The following USP42 variants were observed in gnomAD, a reference collection of about 807,000 sequenced individuals.
The protein encoded by USP42 is ubiquitin carboxyl-terminal hydrolase 42.
Under a neutral mutation model 113.0 loss-of-function variants are expected in USP42, and 23 were observed. The observed-to-expected ratio is 0.20, with a 90% confidence interval of 0.15 to 0.29. The LOEUF (loss-of-function observed/expected upper bound fraction) is 0.29. USP42 is among the 10% of genes least tolerant of loss of function. The pLI is 1.00. For missense variants in USP42, 2,174 were observed against 1,779.8 expected, an observed-to-expected ratio of 1.22 and a Z score of -3.99; for synonymous variants, 933 against 699.0, an observed-to-expected ratio of 1.33 and a Z score of -5.28.
chr7:6,151,633 G>GTCT (rs1782056388), intron 14 of USP42, among the ~76,000 whole-genome samples: 2 of 152,096 alleles, frequency 1.3e-5, no homozygotes, highest in African/African-American at 4.8e-5. Context: ...AGTAGAGACA[G>GTCT]GGTTTTACCA....
intron 1 of USP42, among the ~76,000 whole-genome samples, chr7:6,110,889 A>G (rs1460008125): frequency 6.6e-6 from 1 of 152,200 alleles, no homozygotes; most frequent in Non-Finnish European, 1.5e-5. Flanking sequence ...CTTTTAATCA[A>G]ATACTTCACT....
At chr7:6,129,098 C>T (rs188704099) in intron 3 of USP42, among the ~76,000 whole-genome samples, 238 of 152,320 alleles carry the variant, frequency 1.6e-3, no homozygotes, top group African/African-American at 5.4e-3. Flanking sequence ...AGGCGTGTGC[C>T]ACTGGGCCTG....
chr7:6,154,405 G>A lies in USP42; in HGVS notation c.2851G>A (p.Gly951Ser), dbSNP rs375593932. 19 of 1,577,018 alleles carry A rather than the reference G, an allele frequency of 1.2e-5. No individual in the cohort carries two copies. The highest frequency in any genetic ancestry group is 1.6e-5 in the Non-Finnish European group (19 of 1,163,150). The change falls in exon 15 of 18, where the codon GGC (glycine) becomes AGC (serine). Residue 951 changes from glycine (G) to serine (S), a missense_variant. By Grantham distance (56) the Gly-to-Ser change is moderately conservative. Coordinates refer to ENST00000306177, the MANE Select transcript of USP42 (RefSeq NM_032172.3). Reference protein sequence around the residue: ...KIGSLRKVDRGHYRSRRERSS... With the variant: ...KIGSLRKVDRSHYRSRRERSS... ...CGGCAGCCTCAGAAAGGTGGACCGA[G>A]GCCACTACCGCAGCCGGAGAGAGCG...
At chr7:6,135,242 A>G (rs892902236) in intron 3 of USP42, among the ~76,000 whole-genome samples, 1 of 152,168 alleles carries the variant, frequency 6.6e-6, no homozygotes, top group Admixed American at 6.5e-5. Flanking sequence ...GAATCCAATT[A>G]TGTGTCTGTC....
intron 14 of USP42, among the ~76,000 whole-genome samples, chr7:6,151,441 G>C (rs1384120158): frequency 6.6e-6 from 1 of 151,906 alleles, no homozygotes; most frequent in Admixed American, 6.6e-5. Flanking sequence ...TTCTTTTTTT[G>C]TTTGTTTTTT....
chr7:6,161,141 G>A lies in USP42; in HGVS notation c.*623G>A, dbSNP rs1243891316. 6.6e-6 allele frequency: 1 copy of A among 152,608 alleles called. No homozygotes were observed. Among genetic ancestry groups the A allele is most frequent in the East Asian group, 1.9e-4 (1 of 5,202 alleles). The allele number at this position is 152,608 out of a possible 1,614,324, so 9.5% of individuals were successfully genotyped here. On this transcript the variant is annotated 3_prime_UTR_variant, in exon 18 of 18. Coordinates refer to ENST00000306177, the MANE Select transcript of USP42 (RefSeq NM_032172.3). ...TCAATCAATTTCCCAGTTATGATGA[G>A]TATTTACATTATGAATGTATAACCC...
In USP42 at chr7:6,149,788, C is replaced by G. The variant is rs1348185454; in HGVS notation, c.1592C>G (p.Pro531Arg). ...KITISIHNKLPVRQCQSQPNL... is the reference protein window; with the variant it reads ...KITISIHNKLRVRQCQSQPNL... The stretch of plus-strand genomic sequence containing the variant: ...ACAATCAGTATTCACAACAAGTTGC[C>G]TGTTCGCCAGTGTCAGTCTCAACCT... Residue 531 changes from proline to arginine, a missense_variant, in exon 13 of 18, where the codon CCT becomes CGT. By Grantham distance (103) the Pro-to-Arg change is moderately radical. Transcript: ENST00000306177. 1 of 1,614,058 alleles carries G rather than the reference C, an allele frequency of 6.2e-7. No individual in the cohort carries two copies. Among genetic ancestry groups the G allele is most frequent in the Non-Finnish European group, 8.5e-7 (1 of 1,179,904 alleles).
At position 6,153,936 on chromosome 7, in the gene USP42, G is replaced by T; in HGVS notation, c.2382G>T (p.Met794Ile). The change falls in exon 15 of 18, where the codon ATG becomes ATT. Residue 794 changes from methionine (M) to isoleucine (I), a missense_variant. Coordinates refer to ENST00000306177, the MANE Select transcript of USP42 (RefSeq NM_032172.3). ...PATKEGAWEAMAVAPEEPPPS... is the reference protein window; with the variant it reads ...PATKEGAWEAIAVAPEEPPPS... ...CCAAAGAAGGCGCCTGGGAGGCCAT[G>T]GCCGTCGCCCCCGAGGAGCCTCCGC... The T allele has an allele frequency of 2.5e-6, 4 of 1,599,144 alleles. No individual in the cohort carries two copies. Among genetic ancestry groups the T allele is most frequent in the Non-Finnish European group, 3.4e-6 (4 of 1,175,460 alleles).
At position 6,154,833 on chromosome 7, in the gene USP42, C is replaced by T. The variant is rs1319232468; in HGVS notation, c.3279C>T (p.His1093=). The change falls in exon 15 of 18, where the codon CAC becomes CAT. Residue 1093 remains histidine (H), a synonymous_variant. Transcript: ENST00000306177. ...HERAGLHERP[H]KDHNRGRRGC... ...GGGCCGGGCTGCACGAGCGGCCGCA[C>T]AAGGACCACAACCGGGGCCGTAGGG... 6.5e-7 allele frequency: 1 copy of T among 1,540,154 alleles called. No individual in the cohort carries two copies. The highest frequency in any genetic ancestry group is 8.8e-7 in the Non-Finnish European group (1 of 1,141,006).
At chr7:6,108,061 G>A (rs1324399602) in intron 1 of USP42, among the ~76,000 whole-genome samples, 3 of 152,120 alleles carry the variant, frequency 2.0e-5, no homozygotes, top group Non-Finnish European at 4.4e-5. Context: ...GCACGCACCT[G>A]TAGTCCCAGC....
At chr7:6,100,676 C>T (rs1244099005), upstream of USP42, among the ~76,000 whole-genome samples, 2 of 145,500 alleles carry the variant, frequency 1.4e-5, no homozygotes, top group Non-Finnish European at 1.5e-5. Context: ...TCTTGGTATC[C>T]ACTGTCTTTT....
intron 3 of USP42, among the ~76,000 whole-genome samples, chr7:6,117,562 G>C (rs769387578): frequency 1.3e-5 from 2 of 152,160 alleles, no homozygotes; most frequent in African/African-American, 4.8e-5. Flanking sequence ...AAATATCTAG[G>C]AGTAAAATGG....
chr7:6,149,268 C>G (rs529968480), intron 12 of USP42, among the ~76,000 whole-genome samples: 1 of 152,280 alleles, frequency 6.6e-6, no homozygotes, highest in Non-Finnish European at 1.5e-5. Context: ...AACCAGGTAG[C>G]AAGTGTGTGA....
intron 1 of USP42, among the ~76,000 whole-genome samples, chr7:6,109,934 C>T (rs747931138): frequency 1.3e-5 from 2 of 151,788 alleles, no homozygotes; most frequent in Non-Finnish European, 2.9e-5. Context: ...CGCCTGACCT[C>T]AGGTGATTCA....
Position 6,149,882 on chromosome 7 carries a change from A to G in USP42, c.1686A>G (p.Ala562=). 6.2e-7 allele frequency: 1 copy of G among 1,614,064 alleles called. No homozygotes were observed. The highest frequency in any genetic ancestry group is 8.5e-7 in the Non-Finnish European group (1 of 1,179,904). Residue 562 remains alanine (A), a synonymous_variant, in exon 13 of 18, where the codon GCA becomes GCG. Coordinates refer to ENST00000306177, the MANE Select transcript of USP42 (RefSeq NM_032172.3). ...PVPSSTITNS[A]VQSTSNASTM... is the part of the protein sequence containing the mutation. ...CCTCTTCTACCATTACCAATTCTGCAGTACAGTCTACCTCGAACGCATCTA... is the reference window on the plus strand; with the variant it reads ...CCTCTTCTACCATTACCAATTCTGCGGTACAGTCTACCTCGAACGCATCTA...
At chr7:6,091,781 G>T in the USP42 span, among the ~76,000 whole-genome samples, 1 of 149,946 alleles carries the variant, frequency 6.7e-6, no homozygotes, top group African/African-American at 2.5e-5. Context: ...GGATGGGGGT[G>T]CAAAGTGGGG....
At chr7:6,082,097 A>G in the USP42 span, among the ~76,000 whole-genome samples, 1 of 151,898 alleles carries the variant, frequency 6.6e-6, no homozygotes, top group East Asian at 1.9e-4. Flanking sequence ...ACGTGTATGT[A>G]TGCAGAAAAT....
chr7:6,084,016 C>T, the USP42 span, among the ~76,000 whole-genome samples: 2 of 151,006 alleles, frequency 1.3e-5, no homozygotes, highest in East Asian at 1.9e-4. Flanking sequence ...ATACATCACA[C>T]GAAGAGGGTT....
rs967282921 is a variant in USP42 at position 6,135,432 on chromosome 7, G to A, written c.443-409G>A. ...GGAGGCCAAGGTGGGTGGATTGCCTGAGGTCAGGATTTCGAGGCCAGCCTG... is the reference window on the plus strand; with the variant it reads ...GGAGGCCAAGGTGGGTGGATTGCCTAAGGTCAGGATTTCGAGGCCAGCCTG... On this transcript the variant is annotated intron_variant, in intron 3 of 17. Coordinates refer to ENST00000306177, the MANE Select transcript of USP42 (RefSeq NM_032172.3). 4.6e-5 allele frequency among the ~76,000 whole-genome samples: 7 copies of A among 152,034 alleles called. 1 individual carries two copies.
Sources: gnomAD v4.1 joint callset for allele counts (sites outside exome capture counted in the v4.1 genomes callset) on GRCh38, gnomAD v4.1.1 for gene constraint, MANE v1.5 for transcripts, NCBI Gene and HGNC (gene_info 2026-07-23, HGNC 2026-07-21) for gene names.